The following ANKRD26 variants were observed in gnomAD, a reference collection of about 807,000 sequenced individuals.
ANKRD26 encodes the protein ankyrin repeat domain 26.
A neutral mutation model predicts 208.7 loss-of-function variants in ANKRD26; 141 were observed. That is an observed-to-expected ratio of 0.68 (90% CI 0.59 to 0.78). The LOEUF (loss-of-function observed/expected upper bound fraction) is 0.78. Ranked by LOEUF, ANKRD26 falls within the 30% of genes least tolerant of loss-of-function variation. The pLI is 0.00. For synonymous variants in ANKRD26, 636 were observed against 660.4 expected (o/e 0.96, Z 0.57); for missense variants, 1,889 against 1,938.7 (o/e 0.97, Z 0.48).
rs1191556623 is a variant in ANKRD26, at chr10:27,005,628, C to G, written c.5095G>C (p.Glu1699Gln). 1 of 1,612,896 alleles carries G rather than the reference C, an allele frequency of 6.2e-7. No homozygotes were observed. The highest frequency in any genetic ancestry group is 8.5e-7 in the Non-Finnish European group (1 of 1,179,450). The stretch of plus-strand genomic sequence containing the variant: ...TTTTTCTTTAAAACCTGTACATATT[C>G]TCTTGATGCTTTCCAAACTAGATCT... The part of the protein sequence containing the change: ...NQDLVWKASR[E>Q]YVQVLKKNYM... Residue 1699 changes from glutamate (E) to glutamine (Q), a missense_variant, in exon 34 of 34, where the codon GAA becomes CAA. This residue lies in a region of ANKRD26 where 613 missense variants were observed against 648.2 expected (regional missense o/e 0.95). Coordinates refer to ENST00000376087, the MANE Select transcript of ANKRD26 (RefSeq NM_014915.3).
Position 27,100,073 on chromosome 10 carries a change from G to A in ANKRD26, c.242+12C>T. On this transcript the variant is annotated intron_variant, in intron 1 of 33. Transcript: ENST00000376087. ...CCAGTGGCACTCAGTCCGGGCTTGC[G>A]ACGCCTATTACCTGTTCATCTTGTC... 6.2e-7 allele frequency: 1 copy of A among 1,613,576 alleles called. No individual in the cohort carries two copies. The highest frequency in any genetic ancestry group is 1.1e-5 in the South Asian group (1 of 91,000).
rs889322807 is a variant in ANKRD26 at position 27,064,215 on chromosome 10, T to C, written c.1270-134A>G. 13 of 737,038 alleles carry C rather than the reference T, an allele frequency of 1.8e-5. No homozygotes were observed. The Admixed American group carries it at 2.8e-4, about 16-fold the overall frequency. 45.7% of individuals were successfully genotyped at this position (737,038 alleles called of 1,614,324 possible). On this transcript the variant is annotated intron_variant, in intron 11 of 33. Transcript: ENST00000376087. ...ATTAGGCTTAAAAATAAGATAAGCA[T>C]GTATTGAAAACCAAAACATTTCAAT...
chr10:26,999,821 A>C (rs900275066), downstream of ANKRD26, among the ~76,000 whole-genome samples: 1 of 151,936 alleles, frequency 6.6e-6, no homozygotes, highest in South Asian at 2.1e-4. Context: ...AAAAAAAAAA[A>C]AAAAAACCCA....
downstream of ANKRD26, among the ~76,000 whole-genome samples, chr10:26,970,008 A>AT (rs200853429): frequency 1.8e-4 from 1 of 5,514 alleles, no homozygotes; most frequent in Admixed American, 2.6e-3. Flanking sequence ...CTAATTTTGT[A>AT]TTTTAGTTTT....
chr10:27,086,501 T>C, intron 5 of ANKRD26, 38 bp downstream of exon 5: 3 of 1,599,360 alleles, frequency 1.9e-6, no homozygotes, highest in Non-Finnish European at 2.6e-6. Flanking sequence ...TTATCCATGG[T>C]ACTATTACCA....
At chr10:27,082,492 T>C (rs998377771) in intron 6 of ANKRD26, among the ~76,000 whole-genome samples, 1 of 152,158 alleles carries the variant, frequency 6.6e-6, no homozygotes, top group African/African-American at 2.4e-5. Flanking sequence ...GATTTGGACC[T>C]GTACCTTGAT....
downstream of ANKRD26, among the ~76,000 whole-genome samples, chr10:26,972,139 G>A (rs568495615): frequency 5.8e-3 from 888 of 151,800 alleles, 3 homozygotes; most frequent in Non-Finnish European, 0.01. Flanking sequence ...GGAGGCTGAG[G>A]CAGGAGAATG....
At chr10:27,021,511 G>T (rs1241330332) in intron 29 of ANKRD26, among the ~76,000 whole-genome samples, 1 of 152,162 alleles carries the variant, frequency 6.6e-6, no homozygotes, top group Non-Finnish European at 1.5e-5. Context: ...TCACTTGGTG[G>T]TTTTGATGTG....
rs745969521 is a variant in ANKRD26 at position 27,051,264 on chromosome 10, T to C, written c.1635+2056A>G. ...ATAGTTATTAGCACTGCAATGATCATATAATGGCTTCTGGAACAAGTTCTG... is the reference window on the plus strand; with the variant it reads ...ATAGTTATTAGCACTGCAATGATCACATAATGGCTTCTGGAACAAGTTCTG... On this transcript the variant is annotated intron_variant, in intron 16 of 33. Transcript: ENST00000376087. The C allele has an allele frequency of 3.0e-4, 385 of 1,289,536 alleles. 3 individuals are homozygous for C. The highest frequency in any genetic ancestry group is 6.8e-5 in the Non-Finnish European group (67 of 988,780). The allele number at this position is 1,289,536 out of a possible 1,614,324, so 79.9% of individuals were successfully genotyped here. A position where few individuals can be genotyped will look rare whatever the true frequency, so the allele number is the denominator to read the frequency against.
the ANKRD26 span, among the ~76,000 whole-genome samples, chr10:26,955,737 C>T: frequency 6.6e-6 from 1 of 152,234 alleles, no homozygotes; most frequent in Non-Finnish European, 1.5e-5. Context: ...CATACACTTT[C>T]TAAGGGATAT....
intron 16 of ANKRD26, among the ~76,000 whole-genome samples, chr10:27,050,144 C>T (rs1194628918): frequency 5.4e-5 from 7 of 129,636 alleles, no homozygotes; most frequent in Admixed American, 9.3e-5. Context: ...TGCTTGAACC[C>T]GGGAGGCGGA....
the ANKRD26 span, among the ~76,000 whole-genome samples, chr10:26,967,661 C>T: frequency 2.0e-5 from 3 of 152,186 alleles, no homozygotes; most frequent in Admixed American, 1.3e-4. Context: ...ACAAGAATCT[C>T]AGACTCAACG....
intron 20 of ANKRD26, among the ~76,000 whole-genome samples, chr10:27,042,798 C>CAAA (rs60850386): frequency 7.2e-4 from 35 of 48,932 alleles, no homozygotes; most frequent in East Asian, 2.3e-3. Context: ...CAAAAAAATA[C>CAAA]AAAAAAAAAA....
chr10:27,060,619 G>A (rs2055020707), intron 13 of ANKRD26, 79 bp from the exon 14 acceptor site: 2 of 1,065,156 alleles, frequency 1.9e-6, no homozygotes, highest in African/African-American at 1.6e-5. Flanking sequence ...GTGTTAGTAT[G>A]ACCAGAATCA....
At chr10:27,007,933 T>C (rs2052949601) in intron 32 of ANKRD26, among the ~76,000 whole-genome samples, 1 of 152,076 alleles carries the variant, frequency 6.6e-6, no homozygotes, top group Non-Finnish European at 1.5e-5. Flanking sequence ...CTTAGTTTCT[T>C]TGATTCACAA....
At chr10:27,046,897 C>G (rs1204676479) in intron 17 of ANKRD26, among the ~76,000 whole-genome samples, 8 of 151,744 alleles carry the variant, frequency 5.3e-5, no homozygotes, top group Admixed American at 5.2e-4. Flanking sequence ...GTTCATGAGA[C>G]AAAAAATGGG....
At chr10:27,084,055 G>A (rs1589362718) in intron 5 of ANKRD26, among the ~76,000 whole-genome samples, 1 of 151,652 alleles carries the variant, frequency 6.6e-6, no homozygotes, top group Admixed American at 6.6e-5. Context: ...TCTACTAAAA[G>A]TACAAAAAGT....
At chr10:27,024,706 G>GA in intron 27 of ANKRD26, 147 bp from the exon 28 acceptor site, 2 of 450,312 alleles carry the variant, frequency 4.4e-6, no homozygotes, top group Non-Finnish European at 7.9e-6. Context: ...GAACGGATTT[G>GA]AAAAAATGAC....
At chr10:26,997,097 G>C (rs888258187) in intron 4 of ANKRD26, among the ~76,000 whole-genome samples, 1 of 152,052 alleles carries the variant, frequency 6.6e-6, no homozygotes, top group African/African-American at 2.4e-5. Context: ...ATGTTGAGGA[G>C]ATTGTGGCCC....
Sources: gnomAD v4.1 joint callset for allele counts (sites outside exome capture counted in the v4.1 genomes callset) on GRCh38, gnomAD v4.1.1 for gene constraint, gnomAD v4.1.1 regional missense constraint, MANE v1.5 for transcripts, NCBI Gene and HGNC (gene_info 2026-07-23, HGNC 2026-07-21) for gene names.